The following TTC9 variants were observed in gnomAD, a reference collection of about 807,000 sequenced individuals.
TTC9 encodes the protein tetratricopeptide repeat domain 9.
A neutral mutation model predicts 22.9 loss-of-function variants in TTC9; 13 were observed. The observed-to-expected ratio is 0.57, with a 90% CI of 0.37 to 0.90. TTC9 has a LOEUF of 0.90. Ranked by LOEUF, TTC9 falls within the 40% of genes least tolerant of loss-of-function variation. TTC9 has a pLI of 0.01. For synonymous variants in TTC9, 148 were observed against 133.2 expected, an observed-to-expected ratio of 1.11 and a Z score of -0.77; for missense variants, 280 against 291.8, an observed-to-expected ratio of 0.96 and a Z score of 0.29.
intron 1 of TTC9, among the ~76,000 whole-genome samples, chr14:70,658,341 T>G (rs1886095058): frequency 6.6e-6 from 1 of 152,206 alleles, no homozygotes; most frequent in Non-Finnish European, 1.5e-5. Context: ...TGTGAGAATT[T>G]AAAGATGTTC....
intron 1 of TTC9, among the ~76,000 whole-genome samples, chr14:70,664,276 C>A: frequency 1.3e-5 from 2 of 151,702 alleles, no homozygotes; most frequent in Middle Eastern, 6.8e-3. Context: ...CTCACACGTG[C>A]CTGCTGTCAT....
In TTC9 at chr14:70,672,250, A is replaced by G. The variant is rs1886307925; in HGVS notation, c.*1095A>G. The G allele has an allele frequency of 6.6e-6, 1 of 152,250 alleles. No individual in the cohort carries two copies. The highest frequency in any genetic ancestry group is 1.5e-5 in the Non-Finnish European group (1 of 68,044). The allele number at this position is 152,250 out of a possible 1,614,324, so 9.4% of individuals were successfully genotyped here. On this transcript the variant is annotated 3_prime_UTR_variant, in exon 3 of 3. Transcript: ENST00000256367. ...GCTTGGCTTTGTCAGAACTTGTACA[A>G]TCTTCTTTTGATGAAATTATCTGAA... is the stretch of plus-strand genomic sequence containing the variant.
At chr14:70,664,552 C>G (rs545617278) in intron 1 of TTC9, among the ~76,000 whole-genome samples, 4 of 152,010 alleles carry the variant, frequency 2.6e-5, no homozygotes, top group Non-Finnish European at 4.4e-5. Flanking sequence ...ATGGTGAAAC[C>G]CCGTCTCTAT....
intron 1 of TTC9, among the ~76,000 whole-genome samples, chr14:70,648,630 A>C (rs927138022): frequency 2.0e-5 from 3 of 152,228 alleles, no homozygotes; most frequent in African/African-American, 7.2e-5. Context: ...CTCTCCTCAC[A>C]GCTGTTCTCT....
intron 1 of TTC9, among the ~76,000 whole-genome samples, chr14:70,645,341 C>G (rs1885888312): frequency 1.3e-5 from 2 of 152,168 alleles, no homozygotes; most frequent in Admixed American, 1.3e-4. Context: ...TACCTCTAAT[C>G]CAGTTAGAAA....
chr14:70,642,457 C>G lies in TTC9; in HGVS notation c.328C>G (p.Leu110Val). The G allele has an allele frequency of 6.4e-7, 1 of 1,555,606 alleles. No individual in the cohort carries two copies. The change falls in exon 1 of 3, where the codon CTG becomes GTG. Residue 110 changes from leucine (L) to valine (V), a missense_variant. Physicochemically the swap from Leu to Val is conservative, Grantham distance 32. Around this residue, in one of 5 missense-constraint regions of TTC9, gnomAD observed 165 missense variants for 145.4 expected, o/e 1.14. Coordinates refer to ENST00000256367, the MANE Select transcript of TTC9 (RefSeq NM_015351.2). ...DSRPASPAGA[L>V]KPGRLSEEQS... Reference sequence around the variant, plus strand: ...GCGCCCGGCCTCCCCGGCTGGGGCCCTGAAGCCCGGCCGCCTCTCGGAGGA... The same window carrying G: ...GCGCCCGGCCTCCCCGGCTGGGGCCGTGAAGCCCGGCCGCCTCTCGGAGGA...
intron 1 of TTC9, among the ~76,000 whole-genome samples, chr14:70,663,100 A>G (rs912707980): frequency 2.6e-5 from 4 of 152,124 alleles, no homozygotes; most frequent in African/African-American, 9.7e-5. Context: ...TTGCCTCACA[A>G]TGAAGTCCCA....
chr14:70,666,989 G>T (rs1229507791), intron 1 of TTC9, among the ~76,000 whole-genome samples: 7 of 152,172 alleles, frequency 4.6e-5, no homozygotes, highest in Non-Finnish European at 7.3e-5. Flanking sequence ...AGTTCCAGGG[G>T]CTAGGAGTCC....
At chr14:70,644,644 A>G (rs7160510) in intron 1 of TTC9, among the ~76,000 whole-genome samples, 30,081 of 152,124 alleles carry the variant, frequency 0.2, 3,505 homozygotes, top group Admixed American at 0.29. Context: ...CACTTTGGAA[A>G]TTCCTTTGGG....
rs543709448 is a variant in TTC9, at chr14:70,644,969, G to A, written c.406+2434G>A. Among the ~76,000 whole-genome samples the A allele has an allele frequency of 2.3e-3, 346 of 152,176 alleles. 1 individual carries two copies. In the Middle Eastern group the frequency reaches 0.037, roughly 16 times the overall value. On this transcript the variant is annotated intron_variant, in intron 1 of 2. Coordinates refer to ENST00000256367, the MANE Select transcript of TTC9 (RefSeq NM_015351.2). ...CTACTAAAAATACAAAAAATTAGCCGGGTGTGGTGGCGGGCACCTGTAGTC... is the reference window on the plus strand; with the variant it reads ...CTACTAAAAATACAAAAAATTAGCCAGGTGTGGTGGCGGGCACCTGTAGTC...
chr14:70,653,264 G>A (rs139617687), intron 1 of TTC9, among the ~76,000 whole-genome samples: 80 of 152,256 alleles, frequency 5.3e-4, no homozygotes, highest in African/African-American at 1.8e-3. Context: ...AAAGAGAGAG[G>A]GAAAGAATGC....
rs1395108047 is a variant in TTC9, at chr14:70,672,568, T to G, written c.*1413T>G. The G allele has an allele frequency of 6.6e-6, 1 of 152,232 alleles. No individual in the cohort carries two copies. Among genetic ancestry groups the G allele is most frequent in the Non-Finnish European group, 1.5e-5 (1 of 68,040 alleles). The allele number at this position is 152,232 out of a possible 1,614,324, so 9.4% of individuals were successfully genotyped here. On this transcript the variant is annotated 3_prime_UTR_variant, in exon 3 of 3. Coordinates refer to ENST00000256367, the MANE Select transcript of TTC9 (RefSeq NM_015351.2). Reference sequence around the variant, plus strand: ...GATTATTACCAATGACACCGTTAATTTATATGATGCTTTAAAATTATCAGA... The same window carrying G: ...GATTATTACCAATGACACCGTTAATGTATATGATGCTTTAAAATTATCAGA...
intron 1 of TTC9, among the ~76,000 whole-genome samples, chr14:70,650,246 A>T (rs1178569875): frequency 6.6e-6 from 1 of 152,084 alleles, no homozygotes; most frequent in Non-Finnish European, 1.5e-5. Context: ...ACATGGTGAG[A>T]ACCCTGTCTC....
intron 1 of TTC9, among the ~76,000 whole-genome samples, chr14:70,651,272 G>C (rs1885981699): frequency 6.7e-6 from 1 of 149,530 alleles, no homozygotes; most frequent in Non-Finnish European, 1.5e-5. Context: ...GTGAGCCACT[G>C]CACCCAGCCT....
At position 70,671,284 on chromosome 14, in the gene TTC9, T is replaced by C; in HGVS notation, c.*129T>C. ...TCTGGCTCCTCATTTTTCCTCCTGTTGCACCCCAGCTCTTTGTCTCCTCCC... is the reference window on the plus strand; with the variant it reads ...TCTGGCTCCTCATTTTTCCTCCTGTCGCACCCCAGCTCTTTGTCTCCTCCC... On this transcript the variant is annotated 3_prime_UTR_variant, in exon 3 of 3. Coordinates refer to ENST00000256367, the MANE Select transcript of TTC9 (RefSeq NM_015351.2). 2.7e-6 allele frequency: 2 copies of C among 732,014 alleles called. No individual in the cohort carries two copies. Among genetic ancestry groups the C allele is most frequent in the South Asian group, 1.7e-5 (1 of 57,202 alleles). The allele number at this position is 732,014 out of a possible 1,614,324, so 45.3% of individuals were successfully genotyped here. A position where few individuals can be genotyped will look rare whatever the true frequency, so the allele number is the denominator to read the frequency against.
At chr14:70,664,300 T>C (rs924420278) in intron 1 of TTC9, among the ~76,000 whole-genome samples, 2 of 150,994 alleles carry the variant, frequency 1.3e-5, no homozygotes, top group Non-Finnish European at 2.9e-5. Flanking sequence ...ATCTTACCTA[T>C]CCCATGGGCT....
chr14:70,652,607 A>G (rs940719922), intron 1 of TTC9, among the ~76,000 whole-genome samples: 23 of 152,254 alleles, frequency 1.5e-4, no homozygotes, highest in African/African-American at 5.5e-4. Flanking sequence ...AAAGCTTTTG[A>G]TAAACAGACT....
rs573310455 is a variant in TTC9 at position 70,664,927 on chromosome 14, C to T, written c.407-2637C>T. Among the ~76,000 whole-genome samples the T allele has an allele frequency of 5.3e-5, 8 of 152,148 alleles. No individual in the cohort carries two copies. In the South Asian group the frequency reaches 1.0e-3, roughly 20 times the overall value. Reference sequence around the variant, plus strand: ...TGGTCCACAGCCAGGTATGCCAGTTCCCACCGGATCTGCAGGGGAACTAGA... The same window carrying T: ...TGGTCCACAGCCAGGTATGCCAGTTTCCACCGGATCTGCAGGGGAACTAGA... On this transcript the variant is annotated intron_variant, in intron 1 of 2. Coordinates refer to ENST00000256367, the MANE Select transcript of TTC9 (RefSeq NM_015351.2).
At chr14:70,662,107 A>G (rs1886151961) in intron 1 of TTC9, among the ~76,000 whole-genome samples, 2 of 152,212 alleles carry the variant, frequency 1.3e-5, no homozygotes, top group African/African-American at 4.8e-5. Context: ...AAAGGCCAGA[A>G]AGTTAATAAT....
Sources: gnomAD v4.1 joint callset for allele counts (sites outside exome capture counted in the v4.1 genomes callset) on GRCh38, gnomAD v4.1.1 for gene constraint, gnomAD v4.1.1 regional missense constraint, MANE v1.5 for transcripts, NCBI Gene and HGNC (gene_info 2026-07-23, HGNC 2026-07-21) for gene names.